The following TBC1D19 variants were observed in gnomAD, a reference collection of about 807,000 sequenced individuals.
The protein encoded by TBC1D19 is TBC1 domain family, member 19.
Under a neutral mutation model 89.0 loss-of-function variants are expected in TBC1D19, and 60 were observed. That is an observed-to-expected ratio of 0.67 (90% CI 0.55 to 0.84). The LOEUF (loss-of-function observed/expected upper bound fraction) is 0.84. Ranked by LOEUF, TBC1D19 falls within the 40% of genes least tolerant of loss-of-function variation. The pLI is 0.00. For missense variants in TBC1D19, 500 were observed against 610.8 expected (o/e 0.82, Z 1.91); for synonymous variants, 189 against 199.7 (o/e 0.95, Z 0.45).
At chr4:26,739,116 C>A (rs1197310605) in intron 16 of TBC1D19, among the ~76,000 whole-genome samples, 1 of 152,128 alleles carries the variant, frequency 6.6e-6, no homozygotes, top group Non-Finnish European at 1.5e-5. Flanking sequence ...AGCATGACCA[C>A]CTTTGTCAGT....
upstream of TBC1D19, among the ~76,000 whole-genome samples, chr4:26,582,339 A>T (rs1374051051): frequency 6.6e-6 from 1 of 152,164 alleles, no homozygotes; most frequent in Non-Finnish European, 1.5e-5. Context: ...TGCAATTCCC[A>T]GGGTACATAC....
At chr4:26,757,113 A>G (rs940509562), downstream of TBC1D19, among the ~76,000 whole-genome samples, 5 of 152,062 alleles carry the variant, frequency 3.3e-5, no homozygotes, top group Non-Finnish European at 5.9e-5. Flanking sequence ...TCCTGGGTTC[A>G]AGTGATTCTC....
At chr4:26,608,847 T>C (rs1741169264) in intron 1 of TBC1D19, among the ~76,000 whole-genome samples, 1 of 151,540 alleles carries the variant, frequency 6.6e-6, no homozygotes, top group South Asian at 2.1e-4. Flanking sequence ...TGGGTAAAAA[T>C]AGAATCATGC....
chr4:26,681,276 C>A (rs1713314006), intron 11 of TBC1D19, among the ~76,000 whole-genome samples: 2 of 151,922 alleles, frequency 1.3e-5, no homozygotes, highest in African/African-American at 4.8e-5. Context: ...TGGTGGCTCA[C>A]ACCTGTAATC....
the TBC1D19 span, among the ~76,000 whole-genome samples, chr4:26,792,798 G>C: frequency 2.0e-5 from 3 of 152,192 alleles, no homozygotes; most frequent in Non-Finnish European, 4.4e-5. Flanking sequence ...GCATACACTA[G>C]TCTGAGAAGC....
At chr4:26,856,922 C>G in the TBC1D19 span, among the ~76,000 whole-genome samples, 6 of 152,206 alleles carry the variant, frequency 3.9e-5, no homozygotes. Flanking sequence ...TGTTGAGCGG[C>G]TTTTAAAAAA....
At chr4:26,823,795 T>C in the TBC1D19 span, among the ~76,000 whole-genome samples, 1 of 152,258 alleles carries the variant, frequency 6.6e-6, no homozygotes, top group Non-Finnish European at 1.5e-5. Context: ...ACACTCTTTC[T>C]AGCCAGACCT....
intron 13 of TBC1D19, among the ~76,000 whole-genome samples, chr4:26,695,558 C>T (rs938384251): frequency 2.6e-5 from 4 of 152,058 alleles, no homozygotes; most frequent in Admixed American, 6.6e-5. Flanking sequence ...ACATAATTGT[C>T]GGACTCATCA....
chr4:26,732,081 T>C (rs1238797013), intron 15 of TBC1D19, among the ~76,000 whole-genome samples: 4 of 152,208 alleles, frequency 2.6e-5, no homozygotes, highest in Non-Finnish European at 5.9e-5. Context: ...TGTAAGAATA[T>C]TCGTAACATC....
intron 13 of TBC1D19, among the ~76,000 whole-genome samples, chr4:26,702,046 G>C (rs1351599850): frequency 1.3e-5 from 2 of 152,142 alleles, no homozygotes; most frequent in Non-Finnish European, 2.9e-5. Context: ...AGCCTCTTTG[G>C]TGGTGGTAAA....
rs58852557 is a variant in TBC1D19 at position 26,733,460 on chromosome 4, G to GAC, written c.1085-1972_1085-1971dup. On this transcript the variant is annotated intron_variant, in intron 15 of 20. Coordinates refer to ENST00000264866, the MANE Select transcript of TBC1D19 (RefSeq NM_018317.4). The stretch of plus-strand genomic sequence containing the variant: ...AGAGAAGTTAAGAGACATATGCAAA[G>GAC]ACACACACACACACACACACACACT... Among the ~76,000 whole-genome samples the GAC allele has an allele frequency of 1.8e-3, 263 of 149,746 alleles. 1 individual carries two copies. Among genetic ancestry groups the GAC allele is most frequent in the African/African-American group, 4.2e-3 (170 of 40,904 alleles).
chr4:26,583,831 C>T (rs1739234148), upstream of TBC1D19: 1 of 254,660 alleles, frequency 3.9e-6, no homozygotes, highest in Admixed American at 5.0e-5. Flanking sequence ...AGAGAATGAT[C>T]CTTTATATAG....
chr4:26,632,072 T>C (rs1742836116), intron 4 of TBC1D19, among the ~76,000 whole-genome samples: 1 of 152,144 alleles, frequency 6.6e-6, no homozygotes, highest in Non-Finnish European at 1.5e-5. Context: ...TTAACAAATA[T>C]TCAACATCTT....
intron 3 of TBC1D19, among the ~76,000 whole-genome samples, chr4:26,615,396 A>G (rs1474878572): frequency 6.6e-6 from 1 of 151,476 alleles, no homozygotes; most frequent in Non-Finnish European, 1.5e-5. Context: ...ACAATAAACA[A>G]TTTCTGCCCT....
the TBC1D19 span, among the ~76,000 whole-genome samples, chr4:26,820,952 G>A: frequency 6.6e-6 from 1 of 152,150 alleles, no homozygotes; most frequent in Non-Finnish European, 1.5e-5. Flanking sequence ...GGAATACAGT[G>A]GGCATATAAA....
At chr4:26,680,468 C>A (rs765369531) in intron 11 of TBC1D19, among the ~76,000 whole-genome samples, 5 of 152,092 alleles carry the variant, frequency 3.3e-5, no homozygotes, top group East Asian at 1.9e-4. Context: ...AAATCTTAAA[C>A]CTCATGTCTT....
intron 7 of TBC1D19, among the ~76,000 whole-genome samples, chr4:26,649,848 G>C (rs917759277): frequency 6.6e-6 from 1 of 152,014 alleles, no homozygotes; most frequent in Non-Finnish European, 1.5e-5. Flanking sequence ...ATCTCCTAAT[G>C]CTATCCCTCC....
Position 26,595,945 on chromosome 4 carries a change from A to C in TBC1D19, c.99+11653A>C, listed in dbSNP as rs573150680. ...TTAGCAAGATTTTTAATACAGATTT[A>C]TTTATTTTTAATTAAAAAAAATTTT... is the stretch of plus-strand genomic sequence containing the variant. On this transcript the variant is annotated intron_variant, in intron 1 of 20. Transcript: ENST00000264866. Among the ~76,000 whole-genome samples the C allele has an allele frequency of 2.0e-5, 3 of 152,136 alleles. No individual in the cohort carries two copies. In the South Asian group the frequency reaches 6.2e-4, roughly 32 times the overall value.
At chr4:26,644,887 G>A (rs1743808444) in intron 7 of TBC1D19, among the ~76,000 whole-genome samples, 1 of 152,176 alleles carries the variant, frequency 6.6e-6, no homozygotes, top group Admixed American at 6.5e-5. Context: ...ACCTCTTGAA[G>A]GAGAACTACA....
Sources: gnomAD v4.1 joint callset for allele counts (sites outside exome capture counted in the v4.1 genomes callset) on GRCh38, gnomAD v4.1.1 for gene constraint, MANE v1.5 for transcripts, NCBI Gene and HGNC (gene_info 2026-07-23, HGNC 2026-07-21) for gene names.